The following TET1 variants were observed in gnomAD, a reference collection of about 807,000 sequenced individuals.
TET1 encodes tet methylcytosine dioxygenase 1.
A neutral mutation model predicts 148.7 loss-of-function variants in TET1; 13 were observed. That is an observed-to-expected ratio of 0.09 (90% CI 0.06 to 0.14). The LOEUF is 0.14. TET1 is among the 10% of genes least tolerant of loss of function. The pLI, the probability that TET1 is intolerant of heterozygous loss-of-function variation, is 1.00. For missense variants in TET1, 2,182 were observed against 2,553.8 expected, an observed-to-expected ratio of 0.85 and a Z score of 3.14; for synonymous variants, 907 against 937.2, an observed-to-expected ratio of 0.97 and a Z score of 0.59.
At chr10:68,652,392 G>C in intron 5 of TET1, 109 bp from the exon 6 acceptor site, 1 of 636,790 alleles carries the variant, frequency 1.6e-6, no homozygotes, top group Admixed American at 3.4e-5. Flanking sequence ...TCTAATTTTT[G>C]AACTTCTGTA....
At chr10:68,567,531 T>C (rs1274223116) in intron 1 of TET1, among the ~76,000 whole-genome samples, 1 of 151,916 alleles carries the variant, frequency 6.6e-6, no homozygotes, top group Non-Finnish European at 1.5e-5. Context: ...CGACCTCAGG[T>C]GATCCACCCG....
intron 2 of TET1, 98 bp from the exon 3 acceptor site, chr10:68,600,883 T>C: frequency 1.1e-6 from 1 of 901,768 alleles, no homozygotes; most frequent in Non-Finnish European, 1.8e-6. Flanking sequence ...TTAAATGGTA[T>C]AAATAGTTTT....
At chr10:68,566,385 G>T (rs1322178756) in intron 1 of TET1, among the ~76,000 whole-genome samples, 1 of 152,124 alleles carries the variant, frequency 6.6e-6, no homozygotes, top group African/African-American at 2.4e-5. Flanking sequence ...ATTGGAATTG[G>T]AATGTCTTGT....
Position 68,574,052 on chromosome 10 carries a change from T to G in TET1, c.1714T>G (p.Ser572Ala), listed in dbSNP as rs745731412. The G allele has an allele frequency of 2.8e-5, 45 of 1,614,018 alleles. No individual in the cohort carries two copies. The highest frequency in any genetic ancestry group is 1.6e-4 in the Middle Eastern group (1 of 6,084). ...VTMPVPMVST[S>A]SSSYTTLLPT... is the part of the protein sequence containing the mutation. ...TATGCCAGTGCCAATGGTCAGTACC[T>G]CCTCTTCTTCCTATACCACTTTGCT... Residue 572 changes from serine to alanine, a missense_variant, in exon 2 of 12, where the codon TCC becomes GCC. Physicochemically the swap from Ser to Ala is moderately conservative, Grantham distance 99 (BLOSUM62 1). Around this residue, in one of 11 missense-constraint regions of TET1, gnomAD observed 665 missense variants for 672.4 expected, o/e 0.99. Transcript: ENST00000373644.
chr10:68,611,018 GGC>G (rs1179322070), intron 3 of TET1, among the ~76,000 whole-genome samples: 1 of 152,260 alleles, frequency 6.6e-6, no homozygotes, highest in Middle Eastern at 3.4e-3. Context: ...AACTAGGCTG[GGC>G]GCAGTGGCTC....
At chr10:68,577,288 C>G in intron 2 of TET1, among the ~76,000 whole-genome samples, 2 of 151,886 alleles carry the variant, frequency 1.3e-5, no homozygotes, top group Middle Eastern at 3.5e-3. Context: ...CTCAGATGAT[C>G]TGCCTGCATT....
chr10:68,595,991 CACA>C (rs755847219), intron 2 of TET1, among the ~76,000 whole-genome samples: 8 of 60,046 alleles, frequency 1.3e-4, no homozygotes, highest in African/African-American at 2.4e-4. Flanking sequence ...TATACACACA[CACA>C]CACACACACA....
At chr10:68,650,110 C>T (rs773845948) in intron 4 of TET1, among the ~76,000 whole-genome samples, 4 of 152,234 alleles carry the variant, frequency 2.6e-5, no homozygotes, top group South Asian at 2.1e-4. Flanking sequence ...TTTTATCCTT[C>T]GTAATTCTTT....
intron 2 of TET1, among the ~76,000 whole-genome samples, chr10:68,595,634 T>TTTTTTG (rs2053969531): frequency 7.4e-6 from 1 of 135,698 alleles, no homozygotes; most frequent in African/African-American, 2.7e-5. Flanking sequence ...TTTTTTTTTT[T>TTTTTTG]GAGGTGTAGT....
intron 2 of TET1, among the ~76,000 whole-genome samples, chr10:68,580,795 A>T (rs1326577127): frequency 4.3e-4 from 60 of 139,606 alleles, no homozygotes; most frequent in African/African-American, 1.4e-3. Flanking sequence ...AAAAAAAAAA[A>T]AAAAAAAAAA....
At chr10:68,595,938 A>G (rs1287017096) in intron 2 of TET1, among the ~76,000 whole-genome samples, 1 of 28,844 alleles carries the variant, frequency 3.5e-5, no homozygotes, top group African/African-American at 9.6e-5. Context: ...ATATATATAT[A>G]TATATATATA....
intron 3 of TET1, among the ~76,000 whole-genome samples, chr10:68,637,514 T>C (rs1466732060): frequency 8.0e-6 from 1 of 124,430 alleles, no homozygotes; most frequent in Non-Finnish European, 1.7e-5. Flanking sequence ...AGTTGTTTCC[T>C]ATTCTTTTTT....
At position 68,645,111 on chromosome 10, in the gene TET1, A is replaced by C; in HGVS notation, c.2382A>C (p.Leu794=). The part of the protein sequence containing the change: ...KTLENNSYKF[L]KDTANHKNAM... ...TGGAAAACAATTCTTATAAATTCCT[A>C]AAAGACACTGCAAACCATAAAAACG... Residue 794 remains leucine (L), a synonymous_variant, in exon 4 of 12, where the codon CTA becomes CTC. Coordinates refer to ENST00000373644, the MANE Select transcript of TET1 (RefSeq NM_030625.3). 1.2e-6 allele frequency: 2 copies of C among 1,613,234 alleles called. No homozygotes were observed. Among genetic ancestry groups the C allele is most frequent in the Non-Finnish European group, 8.5e-7 (1 of 1,179,620 alleles).
At position 68,600,968 on chromosome 10, in the gene TET1, T is replaced by G. The variant is rs746874508; in HGVS notation, c.1915-13T>G. 1.3e-6 allele frequency: 2 copies of G among 1,596,814 alleles called. No individual in the cohort carries two copies. Among genetic ancestry groups the G allele is most frequent in the African/African-American group, 1.4e-5 (1 of 73,776 alleles). On this transcript the variant is annotated splice_polypyrimidine_tract_variant and intron_variant, in intron 2 of 11. Transcript: ENST00000373644. ...TTAAACAGAGGCTCATTTTGCAATT[T>G]GATTTTTTTTAGGTTATAAAGGAAA... is the stretch of plus-strand genomic sequence containing the variant.
chr10:68,594,637 T>A (rs1729827763), intron 2 of TET1, among the ~76,000 whole-genome samples: 2 of 152,156 alleles, frequency 1.3e-5, no homozygotes, highest in Admixed American at 1.3e-4. Context: ...TGTTAGCCTT[T>A]CAGGTTCCTA....
At chr10:68,682,679 T>C (rs1014989866) in intron 9 of TET1, among the ~76,000 whole-genome samples, 157 bp from the exon 10 acceptor site, 8 of 152,234 alleles carry the variant, frequency 5.3e-5, no homozygotes, top group African/African-American at 1.7e-4. Flanking sequence ...TCCTGAATGT[T>C]GCTAAGCTAC....
In TET1 at chr10:68,691,202, G is replaced by T; in HGVS notation, c.5799G>T (p.Pro1933=). Residue 1933 remains proline (P), a synonymous_variant, in exon 12 of 12, where the codon CCG becomes CCT. Transcript: ENST00000373644. The surrounding 1 kb of genome is among the most constrained non-coding windows in gnomAD (Gnocchi z 4.4). ...AGCCTTCCACTGGTGTGACTGAGCC[G>T]CTAACGCCTCATCAGCCAAACCACC... is the stretch of plus-strand genomic sequence containing the variant. ...NSEPSTGVTE[P]LTPHQPNHQP... The T allele has an allele frequency of 3.7e-6, 6 of 1,614,100 alleles. No homozygotes were observed. Among genetic ancestry groups the T allele is most frequent in the Non-Finnish European group, 5.1e-6 (6 of 1,180,024 alleles).
At chr10:68,632,550 T>C (rs1216074600) in intron 3 of TET1, 1 of 1,610,126 alleles carries the variant, frequency 6.2e-7, no homozygotes, top group South Asian at 1.1e-5. Flanking sequence ...GATCATGTGA[T>C]GTTGGAGTAG....
chr10:68,579,375 A>G (rs904742702), intron 2 of TET1, among the ~76,000 whole-genome samples: 22 of 152,172 alleles, frequency 1.4e-4, no homozygotes, highest in Admixed American at 6.5e-4. Context: ...CTCTTGTTCT[A>G]CAAGTTCTGA....
Sources: gnomAD v4.1 joint callset for allele counts (sites outside exome capture counted in the v4.1 genomes callset) on GRCh38, gnomAD v4.1.1 for gene constraint, gnomAD v4.1.1 regional missense constraint, Gnocchi (gnomAD v3.1) non-coding constraint, MANE v1.5 for transcripts, NCBI Gene and HGNC (gene_info 2026-07-23, HGNC 2026-07-21) for gene names.